The following ABLIM3 variants were observed in gnomAD, a reference collection of about 807,000 sequenced individuals.
ABLIM3 encodes actin binding LIM protein family member 3.
A neutral mutation model predicts 109.5 loss-of-function variants in ABLIM3; 61 were observed. That is an observed-to-expected ratio of 0.56 (90% CI 0.45 to 0.69). The LOEUF is 0.69. Ranked by LOEUF, ABLIM3 falls within the 30% of genes least tolerant of loss-of-function variation. The pLI, the probability that ABLIM3 is intolerant of heterozygous loss-of-function variation, is 0.00. For synonymous variants in ABLIM3, 300 were observed against 324.8 expected (o/e 0.92, Z 0.82); for missense variants, 796 against 889.5 (o/e 0.89, Z 1.34).
chr5:149,183,393 C>A, intron 2 of ABLIM3, 59 bp from the exon 3 acceptor site: 7 of 1,452,558 alleles, frequency 4.8e-6, no homozygotes, highest in Non-Finnish European at 6.4e-6. Flanking sequence ...TAATGTCTTG[C>A]AGCAGACTTT....
intron 12 of ABLIM3, 84 bp downstream of exon 12, chr5:149,239,361 G>A (rs1752558982): frequency 1.4e-6 from 2 of 1,469,942 alleles, no homozygotes; most frequent in Non-Finnish European, 9.5e-7. Context: ...CCCCGAAGGT[G>A]TCTGAGCCCT....
chr5:149,163,083 G>T (rs1248545919), intron 2 of ABLIM3, among the ~76,000 whole-genome samples: 5 of 152,256 alleles, frequency 3.3e-5, no homozygotes, highest in Non-Finnish European at 7.3e-5. Context: ...GTGGACCATG[G>T]CCAGGAGTCT....
chr5:149,170,079 A>G (rs1361352022), intron 2 of ABLIM3, among the ~76,000 whole-genome samples: 1 of 152,088 alleles, frequency 6.6e-6, no homozygotes, highest in Non-Finnish European at 1.5e-5. Flanking sequence ...TCCTCACCCA[A>G]GTATTAAGCC....
chr5:149,249,738 T>C, intron 18 of ABLIM3, 77 bp from the exon 19 acceptor site: 1 of 1,576,578 alleles, frequency 6.3e-7, no homozygotes, highest in Admixed American at 1.7e-5. Flanking sequence ...AAGCCACATC[T>C]CTTTGTCCCC....
At chr5:149,255,253 G>A (rs1754329221) in intron 23 of ABLIM3, among the ~76,000 whole-genome samples, 1 of 152,170 alleles carries the variant, frequency 6.6e-6, no homozygotes, top group Non-Finnish European at 1.5e-5. Flanking sequence ...CTGAGACTGT[G>A]GGCCCCTTGA....
intron 9 of ABLIM3, among the ~76,000 whole-genome samples, chr5:149,231,968 T>C (rs951152394): frequency 6.6e-6 from 1 of 152,214 alleles, no homozygotes; most frequent in African/African-American, 2.4e-5. Flanking sequence ...AATAAATGTT[T>C]AAAATCCTAG....
At chr5:149,240,388 A>C (rs1164628323) in intron 13 of ABLIM3, 1 of 488,658 alleles carries the variant, frequency 2.0e-6, no homozygotes, top group African/African-American at 1.9e-5. Context: ...TGGGGAGATA[A>C]GAGGTTCAAA....
chr5:149,226,378 G>A (rs1053034596), intron 8 of ABLIM3, among the ~76,000 whole-genome samples: 10 of 152,148 alleles, frequency 6.6e-5, no homozygotes, highest in African/African-American at 1.7e-4. Flanking sequence ...CCAGCTACTC[G>A]GGAGGCTGAG....
chr5:149,231,644 C>A (rs1465850), intron 9 of ABLIM3, among the ~76,000 whole-genome samples: 64,419 of 151,936 alleles, frequency 0.42, 13,995 homozygotes, highest in East Asian at 0.62. Context: ...CCCTGAATTT[C>A]TTTCCCTGTT....
chr5:149,194,497 C>T (rs2127490844), intron 3 of ABLIM3, among the ~76,000 whole-genome samples: 1 of 152,262 alleles, frequency 6.6e-6, no homozygotes, highest in Non-Finnish European at 1.5e-5. Flanking sequence ...TTTAGAACAG[C>T]ATTTCCATAA....
At chr5:149,185,005 T>C (rs1169483887) in intron 3 of ABLIM3, among the ~76,000 whole-genome samples, 1 of 152,200 alleles carries the variant, frequency 6.6e-6, no homozygotes, top group South Asian at 2.1e-4. Flanking sequence ...TGGTGAGTGA[T>C]TATTTTTACA....
chr5:149,185,661 G>A (rs1161079299), intron 3 of ABLIM3, among the ~76,000 whole-genome samples: 2 of 152,112 alleles, frequency 1.3e-5, no homozygotes, highest in East Asian at 1.9e-4. Flanking sequence ...TTCAATGTCC[G>A]TTTGCTTAAA....
chr5:149,210,588 A>C, intron 6 of ABLIM3, 138 bp from the exon 7 acceptor site: 1 of 702,590 alleles, frequency 1.4e-6, no homozygotes, highest in Non-Finnish European at 2.6e-6. Flanking sequence ...TCTTTCATAC[A>C]GATGAAATTG....
chr5:149,181,327 G>C (rs4626325), intron 2 of ABLIM3, among the ~76,000 whole-genome samples: 2 of 151,128 alleles, frequency 1.3e-5, no homozygotes, highest in African/African-American at 2.4e-5. Context: ...AGAGCTGTAG[G>C]GGGGATGTGA....
intron 22 of ABLIM3, chr5:149,252,521 C>A: frequency 1.8e-6 from 1 of 551,664 alleles, no homozygotes; most frequent in Non-Finnish European, 3.2e-6. Flanking sequence ...GGGCACATGG[C>A]AAATACCTCC....
At chr5:149,166,865 A>G (rs999208379) in intron 2 of ABLIM3, among the ~76,000 whole-genome samples, 1 of 152,226 alleles carries the variant, frequency 6.6e-6, no homozygotes, top group Non-Finnish European at 1.5e-5. Flanking sequence ...TGAGTAAGCA[A>G]GACTGTGTTC....
chr5:149,166,231 G>A (rs956107932), intron 2 of ABLIM3, among the ~76,000 whole-genome samples: 3 of 152,128 alleles, frequency 2.0e-5, no homozygotes, highest in Non-Finnish European at 4.4e-5. Context: ...CACTCCCTTT[G>A]TCTTATCCCA....
intron 2 of ABLIM3, among the ~76,000 whole-genome samples, chr5:149,180,097 T>C (rs1032292442): frequency 7.2e-5 from 11 of 152,208 alleles, no homozygotes; most frequent in African/African-American, 2.7e-4. Context: ...CTAATGTCCT[T>C]TTAGGCTTGT....
chr5:149,162,708 G>A (rs928012429), intron 2 of ABLIM3, among the ~76,000 whole-genome samples: 3 of 152,210 alleles, frequency 2.0e-5, no homozygotes, highest in Non-Finnish European at 2.9e-5. Context: ...AACATCCTGT[G>A]TGCCCCTCCG....
Sources: gnomAD v4.1 joint callset for allele counts (sites outside exome capture counted in the v4.1 genomes callset) on GRCh38, gnomAD v4.1.1 for gene constraint, MANE v1.5 for transcripts, NCBI Gene and HGNC (gene_info 2026-07-23, HGNC 2026-07-21) for gene names.